The following SLC4A2 variants were observed in gnomAD, a reference collection of about 807,000 sequenced individuals.
The protein encoded by SLC4A2 is anion exchange protein 2.
A neutral mutation model predicts 115.0 loss-of-function variants in SLC4A2; 36 were observed. That is an observed-to-expected ratio of 0.31 (90% CI 0.24 to 0.41). The LOEUF (loss-of-function observed/expected upper bound fraction) is 0.41. Among genes scored for constraint, SLC4A2 ranks in the 10% least tolerant of loss-of-function variants. The probability of loss-of-function intolerance (pLI) is 1.00; values close to 1 mark genes in which losing one functional copy is unlikely to be tolerated. For missense variants in SLC4A2, 1,252 were observed against 1,705.6 expected (o/e 0.73, Z 4.68); for synonymous variants, 708 against 708.3 (o/e 1.00, Z 0.01).
chr7:151,062,721 C>G lies in SLC4A2; in HGVS notation c.51+683C>G, dbSNP rs1376129786. 6.4e-6 allele frequency: 9 copies of G among 1,415,040 alleles called. No homozygotes were observed. The Admixed American group carries it at 2.7e-4, about 42-fold the overall frequency. 87.7% of individuals were successfully genotyped at this position (1,415,040 alleles called of 1,614,324 possible). A position where few individuals can be genotyped will look rare whatever the true frequency, so the allele number is the denominator to read the frequency against. On this transcript the variant is annotated intron_variant, in intron 2 of 22. Transcript: ENST00000413384. ...GCGGCAAGCTCCCTGCGCCTCTCCCCGTCCCCTCGTCCCACGGGGCTGCTT... is the reference window on the plus strand; with the variant it reads ...GCGGCAAGCTCCCTGCGCCTCTCCCGGTCCCCTCGTCCCACGGGGCTGCTT...
At position 151,071,113 on chromosome 7, in the gene SLC4A2, C is replaced by T; in HGVS notation, c.1791C>T (p.Asp597=). ...CCTACCTGGCTGACGAGCGGGAGGA[C>T]CTGCTGACGGCCATCAACGCCTTCC... ...EAAYLADERE[D]LLTAINAFLD... Residue 597 remains aspartate (D), a synonymous_variant, in exon 13 of 23, where the codon GAC becomes GAT. Coordinates refer to ENST00000413384, the MANE Select transcript of SLC4A2 (RefSeq NM_003040.4). This position sits in a 1 kb window ranked among gnomAD's most constrained non-coding sequence, Gnocchi z 5.5. The T allele has an allele frequency of 1.2e-6, 2 of 1,612,762 alleles. No individual in the cohort carries two copies. The highest frequency in any genetic ancestry group is 8.5e-7 in the Non-Finnish European group (1 of 1,180,040).
At position 151,061,966 on chromosome 7, in the gene SLC4A2, C is replaced by A. The variant is rs755710432; in HGVS notation, c.-22C>A. Reference sequence around the variant, plus strand: ...GTTGCCCTGAAAGCCGCAGCGACAGCGAAAAGGGCTAAGATTCGGCCATGA... The same window carrying A: ...GTTGCCCTGAAAGCCGCAGCGACAGAGAAAAGGGCTAAGATTCGGCCATGA... On this transcript the variant is annotated 5_prime_UTR_variant, in exon 2 of 23. Coordinates refer to ENST00000413384, the MANE Select transcript of SLC4A2 (RefSeq NM_003040.4). The A allele has an allele frequency of 6.2e-7, 1 of 1,608,430 alleles. No individual in the cohort carries two copies. Among genetic ancestry groups the A allele is most frequent in the East Asian group, 2.2e-5 (1 of 44,818 alleles).
Position 151,076,206 on chromosome 7 carries a change from TC to T in SLC4A2, c.3645+25del, listed in dbSNP as rs1797631490. 1.2e-6 allele frequency: 2 copies of T among 1,609,716 alleles called. No individual in the cohort carries two copies. Among genetic ancestry groups the T allele is most frequent in the East Asian group, 2.2e-5 (1 of 44,820 alleles). On this transcript the variant is annotated intron_variant, in intron 22 of 22. Transcript: ENST00000413384. ...AAATGTGTAAGCCCTCCCGTCTGCC[TC>T]CCCCGGTTCCTCTTGCCTCCCTGTG...
At chr7:151,067,045 C>G (rs1797260429) in intron 7 of SLC4A2, 52 bp downstream of exon 7, 3 of 1,512,344 alleles carry the variant, frequency 2.0e-6, no homozygotes, top group South Asian at 1.3e-5. Context: ...CGACCCTGCC[C>G]CTACCTCTCA....
Position 151,063,095 on chromosome 7 carries a change from C to T in SLC4A2, c.51+1057C>T, listed in dbSNP as rs1409049287. 1.2e-5 allele frequency: 18 copies of T among 1,488,178 alleles called. No individual in the cohort carries two copies. In the East Asian group the frequency reaches 1.9e-4, roughly 16 times the overall value. 92.2% of individuals were successfully genotyped at this position (1,488,178 alleles called of 1,614,324 possible). On this transcript the variant is annotated intron_variant, in intron 2 of 22. Transcript: ENST00000413384. ...GCTGGACCAAGGCTGCCTGGCCAGG[C>T]GGCTGCCGCTTAGCTGGGCTGAGCT...
chr7:151,069,397 T>C (rs973488234), intron 8 of SLC4A2, among the ~76,000 whole-genome samples: 1 of 152,136 alleles, frequency 6.6e-6, no homozygotes, highest in Non-Finnish European at 1.5e-5. Flanking sequence ...GGGACTGTTA[T>C]TTCTGTGTGC....
chr7:151,062,134 TGTGTG>T, intron 2 of SLC4A2, 96 bp downstream of exon 2: 4 of 205,432 alleles, frequency 1.9e-5, no homozygotes, highest in Non-Finnish European at 3.4e-5. Context: ...GGTGTGAGCG[TGTGTG>T]AGTGTGGAGA....
Position 151,076,295 on chromosome 7 carries a change from T to C in SLC4A2, c.3654T>C (p.Ala1218=), listed in dbSNP as rs750449322. 2.6e-6 allele frequency: 4 copies of C among 1,558,376 alleles called. No homozygotes were observed. The South Asian group carries it at 4.9e-5, about 19-fold the overall frequency. Residue 1218 remains alanine, a synonymous_variant, in exon 23 of 23, where the codon GCT becomes GCC. Transcript: ENST00000413384. Reference sequence around the variant, plus strand: ...CACCTCCCCACACACAGCTGGATGCTAACGAGGCAGAGCCGGTGTTTGATG... The same window carrying C: ...CACCTCCCCACACACAGCTGGATGCCAACGAGGCAGAGCCGGTGTTTGATG... ...FTDREMKCLD[A]NEAEPVFDER... is the part of the protein sequence containing the mutation.
rs201397166 is a variant in SLC4A2 at position 151,076,310 on chromosome 7, G to C, written c.3669G>C (p.Pro1223=). 3.3e-5 allele frequency: 51 copies of C among 1,548,374 alleles called. No individual in the cohort carries two copies. In the Admixed American group the frequency reaches 6.0e-4, roughly 18 times the overall value. Reference sequence around the variant, plus strand: ...AGCTGGATGCTAACGAGGCAGAGCCGGTGTTTGATGAGCGGGAGGGTGTGG... The same window carrying C: ...AGCTGGATGCTAACGAGGCAGAGCCCGTGTTTGATGAGCGGGAGGGTGTGG... ...MKCLDANEAE[P]VFDEREGVDE... The change falls in exon 23 of 23, where the codon CCG becomes CCC. Residue 1223 remains proline (P), a synonymous_variant. Coordinates refer to ENST00000413384, the MANE Select transcript of SLC4A2 (RefSeq NM_003040.4).
At chr7:151,063,639 T>G (rs1332065478) in intron 2 of SLC4A2, among the ~76,000 whole-genome samples, 1 of 151,156 alleles carries the variant, frequency 6.6e-6, no homozygotes, top group Non-Finnish European at 1.5e-5. Flanking sequence ...TCACTGTGTT[T>G]GAAGGGATGT....
chr7:151,071,134 C>T lies in SLC4A2; in HGVS notation c.1812C>T (p.Ala604=). The T allele has an allele frequency of 4.3e-6, 7 of 1,612,938 alleles. No individual in the cohort carries two copies. Among genetic ancestry groups the T allele is most frequent in the Non-Finnish European group, 5.9e-6 (7 of 1,180,016 alleles). Residue 604 remains alanine (A), a synonymous_variant, in exon 13 of 23, where the codon GCC becomes GCT. Coordinates refer to ENST00000413384, the MANE Select transcript of SLC4A2 (RefSeq NM_003040.4). This position sits in a 1 kb window ranked among gnomAD's most constrained non-coding sequence, Gnocchi z 5.5. The part of the protein sequence containing the change: ...EREDLLTAIN[A]FLDCSVVLPP... ...AGGACCTGCTGACGGCCATCAACGCCTTCCTGGACTGCAGCGTGGTGCTGC... is the reference window on the plus strand; with the variant it reads ...AGGACCTGCTGACGGCCATCAACGCTTTCCTGGACTGCAGCGTGGTGCTGC...
chr7:151,064,510 C>T lies in SLC4A2; in HGVS notation c.218-16C>T, dbSNP rs34262985. The T allele has an allele frequency of 0.036, 57,196 of 1,602,392 alleles. 1,530 individuals carry two copies. Among genetic ancestry groups the T allele is most frequent in the East Asian group, 0.1 (4,620 of 44,720 alleles). ...ACACTGTGCCTGCCACAGCCAAGTC[C>T]CCCTCCTCCCTGCAGACCACCGCCA... is the stretch of plus-strand genomic sequence containing the variant. On this transcript the variant is annotated splice_polypyrimidine_tract_variant and intron_variant, in intron 3 of 22. Coordinates refer to ENST00000413384, the MANE Select transcript of SLC4A2 (RefSeq NM_003040.4).
chr7:151,058,235 C>A (rs537067910), upstream of SLC4A2: 5 of 314,176 alleles, frequency 1.6e-5, no homozygotes, highest in African/African-American at 1.1e-4. Flanking sequence ...AAAAGGGCCG[C>A]TCCGGGACTA....
At chr7:151,063,750 A>G (rs940863004) in intron 2 of SLC4A2, among the ~76,000 whole-genome samples, 2 of 151,590 alleles carry the variant, frequency 1.3e-5, no homozygotes, top group African/African-American at 2.4e-5. Context: ...TTGTTTTGAG[A>G]CGGAGTCTCA....
At position 151,076,437 on chromosome 7, in the gene SLC4A2, C is replaced by T. The variant is rs1226437350; in HGVS notation, c.*70C>T. On this transcript the variant is annotated 3_prime_UTR_variant, in exon 23 of 23. Transcript: ENST00000413384. ...GCTGGTGGGATGGGGTTCCCCCTCC[C>T]ATGCCCCTCCCTCCTTTTTATTTAA... 2.6e-6 allele frequency: 3 copies of T among 1,172,040 alleles called. No individual in the cohort carries two copies. The highest frequency in any genetic ancestry group is 3.1e-5 in the African/African-American group (2 of 63,588). The allele number at this position is 1,172,040 out of a possible 1,614,324, so 72.6% of individuals were successfully genotyped here.
chr7:151,076,317 G>A lies in SLC4A2; in HGVS notation c.3676G>A (p.Asp1226Asn), dbSNP rs1797641991. 6.5e-7 allele frequency: 1 copy of A among 1,547,436 alleles called. No homozygotes were observed. The highest frequency in any genetic ancestry group is 1.2e-5 in the South Asian group (1 of 80,398). ...TGCTAACGAGGCAGAGCCGGTGTTTGATGAGCGGGAGGGTGTGGACGAGTA... is the reference window on the plus strand; with the variant it reads ...TGCTAACGAGGCAGAGCCGGTGTTTAATGAGCGGGAGGGTGTGGACGAGTA... ...LDANEAEPVF[D>N]EREGVDEYNE... Residue 1226 changes from aspartate to asparagine, a missense_variant, in exon 23 of 23, where the codon GAT becomes AAT. Asp to Asn is a conservative substitution (Grantham distance 23). This residue lies in a region of SLC4A2 where 52 missense variants were observed against 40.6 expected (regional missense o/e 1.28). Transcript: ENST00000413384.
chr7:151,066,424 T>G, intron 5 of SLC4A2, 93 bp from the exon 6 acceptor site: 2 of 1,391,004 alleles, frequency 1.4e-6, no homozygotes, highest in South Asian at 1.5e-5. Flanking sequence ...TGGAGTCCGA[T>G]GTGGGTCCCC....
intron 2 of SLC4A2, chr7:151,062,521 A>T: frequency 7.5e-7 from 1 of 1,332,770 alleles, no homozygotes; most frequent in African/African-American, 1.5e-5. Context: ...AGTCTTAATG[A>T]TTAACCCCGT....
At position 151,075,138 on chromosome 7, in the gene SLC4A2, C is replaced by G. The variant is rs561034650; in HGVS notation, c.3048-117C>G. 190 of 1,363,402 alleles carry G rather than the reference C, an allele frequency of 1.4e-4. No homozygotes were observed. In the African/African-American group the frequency reaches 2.0e-3, roughly 15 times the overall value. 84.5% of individuals were successfully genotyped at this position (1,363,402 alleles called of 1,614,324 possible). On this transcript the variant is annotated intron_variant, in intron 19 of 22. Coordinates refer to ENST00000413384, the MANE Select transcript of SLC4A2 (RefSeq NM_003040.4). ...GGAATTTGAATCCTGACGGAATGGA[C>G]AGGGACCGCCAGGTTCCAAAGCCAG...
Sources: gnomAD v4.1 joint callset for allele counts (sites outside exome capture counted in the v4.1 genomes callset) on GRCh38, gnomAD v4.1.1 for gene constraint, gnomAD v4.1.1 regional missense constraint, Gnocchi (gnomAD v3.1) non-coding constraint, MANE v1.5 for transcripts, NCBI Gene and HGNC (gene_info 2026-07-23, HGNC 2026-07-21) for gene names.